AHNAK: variants seen among roughly 807,000 people sequenced by gnomAD.
AHNAK encodes AHNAK nucleoprotein.
AHNAK carries 23 observed loss-of-function variants against 37.8 expected under a neutral mutation model. That is an observed-to-expected ratio of 0.61 (90% confidence interval 0.44 to 0.86). AHNAK has a LOEUF of 0.86. Ranked by LOEUF, AHNAK falls within the 40% of genes least tolerant of loss-of-function variation. AHNAK has a pLI of 0.00. For missense variants in AHNAK, 7,411 were observed against 7,319.4 expected (o/e 1.01, Z -0.46); for synonymous variants, 2,481 against 2,636.3 (o/e 0.94, Z 1.80).
chr11:62,452,048 G>A (rs776383361), intron 5 of AHNAK, among the ~76,000 whole-genome samples: 3 of 151,706 alleles, frequency 2.0e-5, no homozygotes, highest in Admixed American at 6.6e-5. Flanking sequence ...TCCTGACCTC[G>A]TGATCCACCT....
intron 5 of AHNAK, among the ~76,000 whole-genome samples, chr11:62,451,768 G>GAAA (rs1938543953): frequency 6.7e-6 from 1 of 149,396 alleles, no homozygotes; most frequent in African/African-American, 2.4e-5. Flanking sequence ...AATCTCATAG[G>GAAA]ATAGATGGCA....
In AHNAK at chr11:62,516,560, A is replaced by G. The variant is rs1466072818; in HGVS notation, c.*184T>C. 2.8e-6 allele frequency: 4 copies of G among 1,448,334 alleles called. No homozygotes were observed. Among genetic ancestry groups the G allele is most frequent in the Non-Finnish European group, 3.6e-6 (4 of 1,109,822 alleles). The allele number at this position is 1,448,334 out of a possible 1,614,324, so 89.7% of individuals were successfully genotyped here. A position where few individuals can be genotyped will look rare whatever the true frequency, so the allele number is the denominator to read the frequency against. ...TGGACGAACTTGGAACTCTTTACCT[A>G]TCTGTATAGTTCCAGGAGCCTACAG... On this transcript the variant is annotated 3_prime_UTR_variant, in exon 5 of 5. Coordinates refer to ENST00000378024, the MANE Select transcript of AHNAK (RefSeq NM_001620.3).
intron 5 of AHNAK, among the ~76,000 whole-genome samples, chr11:62,486,992 A>C (rs2134884239): frequency 6.6e-6 from 1 of 152,286 alleles, no homozygotes; most frequent in African/African-American, 2.4e-5. Flanking sequence ...CGCCTATTCC[A>C]GACCAGAGAA....
chr11:62,528,687 A>T lies in AHNAK; in HGVS notation c.5730T>A (p.Phe1910Leu). The part of the protein sequence containing the change: ...CPDAKLKGPK[F>L]KMPDMHFKAP... ...CCTTGAAGTGCATGTCTGGCATCTTAAATTTAGGGCCTTTCAACTTTGCAT... is the reference window on the plus strand; with the variant it reads ...CCTTGAAGTGCATGTCTGGCATCTTTAATTTAGGGCCTTTCAACTTTGCAT... The change falls in exon 5 of 5, where the codon TTT becomes TTA. Residue 1910 changes from phenylalanine to leucine, a missense_variant. Phe to Leu is a conservative substitution (Grantham distance 22). Transcript: ENST00000378024. 4 of 1,610,136 alleles carry T rather than the reference A, an allele frequency of 2.5e-6. No individual in the cohort carries two copies. The highest frequency in any genetic ancestry group is 3.4e-6 in the Non-Finnish European group (4 of 1,179,236).
intron 4 of AHNAK, among the ~76,000 whole-genome samples, chr11:62,503,492 A>G (rs1939750985): frequency 6.6e-6 from 1 of 151,872 alleles, no homozygotes; most frequent in African/African-American, 2.4e-5. Context: ...CTGAGGCAGG[A>G]GAATCACCTG....
intron 4 of AHNAK, among the ~76,000 whole-genome samples, chr11:62,496,048 CAA>C (rs774256386): frequency 1.1e-4 from 12 of 109,054 alleles, no homozygotes; most frequent in Non-Finnish European, 1.2e-4. Flanking sequence ...GATCCTGTCT[CAA>C]AAAAAAAAAA....
downstream of AHNAK, among the ~76,000 whole-genome samples, chr11:62,513,219 C>T (rs958964484): frequency 5.9e-5 from 9 of 152,262 alleles, no homozygotes; most frequent in Admixed American, 3.9e-4. Flanking sequence ...AGTGTCAGAC[C>T]TTGCAAGGCT....
intron 5 of AHNAK, chr11:62,434,040 G>T: frequency 9.6e-7 from 1 of 1,043,486 alleles, no homozygotes; most frequent in Non-Finnish European, 1.4e-6. Flanking sequence ...GCCTCTGGAA[G>T]GGATAGATTT....
intron 4 of AHNAK, among the ~76,000 whole-genome samples, chr11:62,495,270 C>T (rs11231116): frequency 0.14 from 22,033 of 152,044 alleles, 3,950 homozygotes; most frequent in African/African-American, 0.42. Context: ...ATTCATGTTT[C>T]ATAGCATATA....
At chr11:62,433,799 T>C (rs1261737296) in exon 6 of AHNAK, 2 of 1,581,988 alleles carry the variant, frequency 1.3e-6, no homozygotes, top group African/African-American at 1.4e-5. Flanking sequence ...CACAGCAATA[T>C]GTAATTTCCC....
intron 5 of AHNAK, among the ~76,000 whole-genome samples, chr11:62,465,347 G>A (rs1565203407): frequency 1.3e-5 from 2 of 152,212 alleles, no homozygotes; most frequent in African/African-American, 4.8e-5. Context: ...GGGCATGGTG[G>A]CTCACGCCTG....
At chr11:62,500,400 G>T (rs1939690909) in intron 4 of AHNAK, among the ~76,000 whole-genome samples, 1 of 152,184 alleles carries the variant, frequency 6.6e-6, no homozygotes. Flanking sequence ...AGCTATGTCA[G>T]TTCACACAGG....
At chr11:62,507,844 G>A (rs548047221) in intron 4 of AHNAK, among the ~76,000 whole-genome samples, 5 of 152,302 alleles carry the variant, frequency 3.3e-5, no homozygotes, top group South Asian at 2.1e-4. Flanking sequence ...CCAAGGTCAC[G>A]CAGCTAGGAA....
chr11:62,535,843 G>A (rs1047122961), intron 3 of AHNAK, 102 bp downstream of exon 3: 48 of 1,448,682 alleles, frequency 3.3e-5, no homozygotes, highest in Non-Finnish European at 3.9e-5. Context: ...ATGGGCCCTC[G>A]ACAGCCACTC....
chr11:62,458,169 T>C (rs199666445), intron 5 of AHNAK, among the ~76,000 whole-genome samples: 3 of 152,092 alleles, frequency 2.0e-5, no homozygotes, highest in African/African-American at 7.2e-5. Flanking sequence ...CCACCCGCCT[T>C]GGCCTCCCAA....
At chr11:62,471,390 G>A (rs1006648189) in intron 5 of AHNAK, among the ~76,000 whole-genome samples, 1 of 152,148 alleles carries the variant, frequency 6.6e-6, no homozygotes, top group African/African-American at 2.4e-5. Flanking sequence ...GGCCAGGCTG[G>A]TCTTGAACTC....
chr11:62,532,393 C>G lies in AHNAK; in HGVS notation c.2024G>C (p.Gly675Ala). 1 of 1,614,134 alleles carries G rather than the reference C, an allele frequency of 6.2e-7. No individual in the cohort carries two copies. The highest frequency in any genetic ancestry group is 8.5e-7 in the Non-Finnish European group (1 of 1,180,038). The part of the protein sequence containing the change: ...NVEAPDVNLE[G>A]LGGKLKGPDV... ...GGGGCCTTTAAGTTTTCCCCCCAGA[C>G]CCTCCAAGTTGACATCTGGGGCTTC... The change falls in exon 5 of 5, where the codon GGT (glycine) becomes GCT (alanine). Residue 675 changes from glycine to alanine, a missense_variant. Physicochemically the swap from Gly to Ala is moderately conservative, Grantham distance 60. Transcript: ENST00000378024.
Position 62,520,693 on chromosome 11 carries a change from T to C in AHNAK, c.13724A>G (p.Lys4575Arg). ...CATTTTAAATTTGGGGCCCTTCAGTTTCCCTTCTGGACCATGAATGTCAAT... is the reference window on the plus strand; with the variant it reads ...CATTTTAAATTTGGGGCCCTTCAGTCTCCCTTCTGGACCATGAATGTCAAT... ...PDIDIHGPEG[K>R]LKGPKFKMPD... The change falls in exon 5 of 5, where the codon AAA (lysine) becomes AGA (arginine). Residue 4575 changes from lysine to arginine, a missense_variant. Transcript: ENST00000378024. The C allele has an allele frequency of 6.2e-7, 1 of 1,614,184 alleles. No homozygotes were observed.
At chr11:62,476,639 C>CA (rs562850686) in intron 5 of AHNAK, among the ~76,000 whole-genome samples, 25 of 150,716 alleles carry the variant, frequency 1.7e-4, no homozygotes, top group Admixed American at 1.2e-3. Flanking sequence ...ACAAAACAAA[C>CA]AAAAAAAAAC....
Sources: gnomAD v4.1 joint callset for allele counts (sites outside exome capture counted in the v4.1 genomes callset) on GRCh38, gnomAD v4.1.1 for gene constraint, MANE v1.5 for transcripts, NCBI Gene and HGNC (gene_info 2026-07-23, HGNC 2026-07-21) for gene names.